The following VWDE variants were observed in gnomAD, a reference collection of about 807,000 sequenced individuals.
The protein encoded by VWDE is von Willebrand factor D and EGF domain-containing protein.
Under a neutral mutation model 178.4 loss-of-function variants are expected in VWDE, and 207 were observed. The ratio of observed to expected loss-of-function variants is 1.16; its 90% CI spans 1.04 to 1.30. VWDE has a LOEUF of 1.30. Among genes scored for constraint, VWDE ranks in the 50% most tolerant of loss-of-function variants. The probability of loss-of-function intolerance (pLI) is 0.00; values close to 1 mark genes in which losing one functional copy is unlikely to be tolerated. For synonymous variants in VWDE, 738 were observed against 651.4 expected (o/e 1.13, Z -2.02); for missense variants, 2,287 against 1,901.3 (o/e 1.20, Z -3.77).
Position 12,370,141 on chromosome 7 carries a change from G to A in VWDE, c.2165C>T (p.Ser722Leu). The change falls in exon 12 of 29, where the codon TCA becomes TTA. Residue 722 changes from serine to leucine, a missense_variant. By Grantham distance (145) the Ser-to-Leu change is moderately radical. Coordinates refer to ENST00000275358, the MANE Select transcript of VWDE (RefSeq NM_001135924.3). ...QKHPGNEKED[S>L]LQYLANKKYT... ...TTTCTTATTGGCCAAATATTGTAGT[G>A]AATCTTCTTTCTCATTTCCAGGATG... 6.4e-7 allele frequency: 1 copy of A among 1,551,452 alleles called. No homozygotes were observed. Among genetic ancestry groups the A allele is most frequent in the South Asian group, 1.2e-5 (1 of 84,052 alleles).
intron 19 of VWDE, among the ~76,000 whole-genome samples, chr7:12,347,096 T>C (rs527698907): frequency 6.6e-6 from 1 of 152,206 alleles, no homozygotes; most frequent in Admixed American, 6.5e-5. Context: ...CACAGTTGTG[T>C]CAAAAAATAC....
At chr7:12,393,124 A>T (rs1031567673) in intron 2 of VWDE, among the ~76,000 whole-genome samples, 2 of 152,194 alleles carry the variant, frequency 1.3e-5, no homozygotes, top group Non-Finnish European at 2.9e-5. Context: ...GTTTTACTCC[A>T]TCAGTTAAGA....
At chr7:12,372,183 T>C (rs1486837989) in intron 10 of VWDE, among the ~76,000 whole-genome samples, 1 of 151,990 alleles carries the variant, frequency 6.6e-6, no homozygotes, top group Non-Finnish European at 1.5e-5. Flanking sequence ...GGTTTTTTTA[T>C]ATTATTTGCT....
At chr7:12,367,137 A>C (rs965995575) in intron 13 of VWDE, among the ~76,000 whole-genome samples, 1 of 152,054 alleles carries the variant, frequency 6.6e-6, no homozygotes, top group African/African-American at 2.4e-5. Context: ...TATAAGTGAA[A>C]ACAGTGAGCC....
Position 12,370,298 on chromosome 7 carries a change from C to T in VWDE, c.2008G>A (p.Glu670Lys), listed in dbSNP as rs143911862. 2.9e-3 allele frequency: 4,511 copies of T among 1,550,978 alleles called. 29 individuals carry two copies. Among genetic ancestry groups the T allele is most frequent in the Middle Eastern group, 0.011 (68 of 5,990 alleles). Reference sequence around the variant, plus strand: ...ACAAGAGTGTCTGAATTAATATATTCGGAGGTGACATCTAGTTCTGGTATC... The same window carrying T: ...ACAAGAGTGTCTGAATTAATATATTTGGAGGTGACATCTAGTTCTGGTATC... ...SLIPELDVTS[E>K]YINSDTLVRE... The change falls in exon 12 of 29, where the codon GAA becomes AAA. Residue 670 changes from glutamate to lysine, a missense_variant. Physicochemically the swap from Glu to Lys is moderately conservative, Grantham distance 56. Transcript: ENST00000275358.
At position 12,403,687 on chromosome 7, in the gene VWDE, G is replaced by T; in HGVS notation, c.30C>A (p.Ile10=). 1 of 1,548,614 alleles carries T rather than the reference G, an allele frequency of 6.5e-7. No homozygotes were observed. Among genetic ancestry groups the T allele is most frequent in the Non-Finnish European group, 8.7e-7 (1 of 1,146,502 alleles). MPGGACVLV[I]ALMFLAWGEA... ...CCCCCCAGGCCAGGAACATCAGCGC[G>T]ATCACCAGCACGCAGGCTCCGCCAG... is the stretch of plus-strand genomic sequence containing the variant. Residue 10 remains isoleucine (I), a synonymous_variant, in exon 1 of 29, where the codon ATC becomes ATA. Coordinates refer to ENST00000275358, the MANE Select transcript of VWDE (RefSeq NM_001135924.3).
At chr7:12,390,711 G>T (rs374855343) in intron 2 of VWDE, among the ~76,000 whole-genome samples, 1 of 151,696 alleles carries the variant, frequency 6.6e-6, no homozygotes, top group Non-Finnish European at 1.5e-5. Flanking sequence ...TGTACAAATA[G>T]GTAATTCACA....
intron 16 of VWDE, 53 bp from the exon 17 acceptor site, chr7:12,357,568 T>G (rs1415359821): frequency 6.5e-7 from 1 of 1,532,996 alleles, no homozygotes. Context: ...AGGAATGAAG[T>G]GTACTTCTGA....
chr7:12,393,576 C>T lies in VWDE; in HGVS notation c.243+18G>A, dbSNP rs1244951016. 1 of 1,525,308 alleles carries T rather than the reference C, an allele frequency of 6.6e-7. No individual in the cohort carries two copies. The highest frequency in any genetic ancestry group is 8.8e-7 in the Non-Finnish European group (1 of 1,133,602). The allele number at this position is 1,525,308 out of a possible 1,614,324, so 94.5% of individuals were successfully genotyped here. A position where few individuals can be genotyped will look rare whatever the true frequency, so the allele number is the denominator to read the frequency against. On this transcript the variant is annotated intron_variant, in intron 2 of 28. Transcript: ENST00000275358. ...CACATAAGGAAAATAACATGCAGTA[C>T]TTAGGGAGTTGACATACCTCAACAC...
chr7:12,341,430 G>A (rs1289404397), intron 23 of VWDE, among the ~76,000 whole-genome samples: 5 of 152,096 alleles, frequency 3.3e-5, no homozygotes, highest in African/African-American at 1.2e-4. Flanking sequence ...TCAGGAGTTT[G>A]AGACCAGTCT....
chr7:12,348,224 T>C (rs1199063740), intron 19 of VWDE, among the ~76,000 whole-genome samples: 7 of 145,554 alleles, frequency 4.8e-5, no homozygotes, highest in Non-Finnish European at 9.0e-5. Flanking sequence ...AATTGACAAA[T>C]GGGATCTAAT....
In VWDE at chr7:12,336,981, C is replaced by T. The variant is rs1175524824; in HGVS notation, c.4558+7G>A. 5.2e-6 allele frequency: 8 copies of T among 1,547,992 alleles called. No individual in the cohort carries two copies. Among genetic ancestry groups the T allele is most frequent in the South Asian group, 4.8e-5 (4 of 83,492 alleles). ...AAGCTTCAGTGTTTTAAGAGTATTC[C>T]TCTTACGTGTGTTGCATCGTTTCCC... On this transcript the variant is annotated splice_region_variant and intron_variant, in intron 26 of 28. Transcript: ENST00000275358.
In VWDE at chr7:12,379,563, A is replaced by T. The variant is rs892010014; in HGVS notation, c.793T>A (p.Phe265Ile). 6.5e-7 allele frequency: 1 copy of T among 1,532,374 alleles called. No individual in the cohort carries two copies. Among genetic ancestry groups the T allele is most frequent in the South Asian group, 1.2e-5 (1 of 80,326 alleles). 94.9% of individuals were successfully genotyped at this position (1,532,374 alleles called of 1,614,324 possible). A position where few individuals can be genotyped will look rare whatever the true frequency, so the allele number is the denominator to read the frequency against. ...AAGAAAAAGACAGAAGCGCTGCAGA[A>T]TATCTATGGATATAATTAAAAAATA... is the stretch of plus-strand genomic sequence containing the variant. ...GINLRLGDRI[F>I]CSASVFFLEN... Residue 265 changes from phenylalanine to isoleucine, a missense_variant, in exon 6 of 29, where the codon TTC becomes ATC. Coordinates refer to ENST00000275358, the MANE Select transcript of VWDE (RefSeq NM_001135924.3).
intron 19 of VWDE, among the ~76,000 whole-genome samples, chr7:12,348,090 C>G (rs918374715): frequency 6.6e-6 from 1 of 152,090 alleles, no homozygotes; most frequent in African/African-American, 2.4e-5. Context: ...GGATTGAAGA[C>G]TTAAACGTTA....
chr7:12,331,371 T>A (rs555726144), intron 28 of VWDE, among the ~76,000 whole-genome samples, 174 bp from the exon 29 acceptor site: 1 of 152,248 alleles, frequency 6.6e-6, no homozygotes, highest in African/African-American at 2.4e-5. Context: ...AGATCATACT[T>A]AAGGTCCAAG....
At chr7:12,357,092 G>C (rs897260821) in intron 17 of VWDE, among the ~76,000 whole-genome samples, 173 bp downstream of exon 17, 1 of 152,092 alleles carries the variant, frequency 6.6e-6, no homozygotes, top group Non-Finnish European at 1.5e-5. Context: ...CTCTCTCTAA[G>C]GTTTTAAATT....
At position 12,333,488 on chromosome 7, in the gene VWDE, C is replaced by T. The variant is rs1306394238; in HGVS notation, c.4735G>A (p.Val1579Ile). The T allele has an allele frequency of 1.3e-6, 2 of 1,549,036 alleles. No individual in the cohort carries two copies. Among genetic ancestry groups the T allele is most frequent in the Admixed American group, 3.9e-5 (2 of 50,782 alleles). Residue 1579 changes from valine to isoleucine, a missense_variant, in exon 28 of 29, where the codon GTC (valine) becomes ATC (isoleucine). Coordinates refer to ENST00000275358, the MANE Select transcript of VWDE (RefSeq NM_001135924.3). ...ACCTGTATTTTCTTCTCACATTTGACTCCAGAGTATTCAGTGCGGCAGGAA... is the reference window on the plus strand; with the variant it reads ...ACCTGTATTTTCTTCTCACATTTGATTCCAGAGTATTCAGTGCGGCAGGAA... ...VCSCRTEYSGVKCEKKIQIRR... is the reference protein window; with the variant it reads ...VCSCRTEYSGIKCEKKIQIRR...
intron 10 of VWDE, among the ~76,000 whole-genome samples, chr7:12,372,506 C>A (rs1195628143): frequency 6.6e-6 from 1 of 151,818 alleles, no homozygotes; most frequent in Non-Finnish European, 1.5e-5. Context: ...GAAGTATAAT[C>A]TTTAAAAAAA....
chr7:12,336,559 A>G (rs1781044044), intron 26 of VWDE, among the ~76,000 whole-genome samples: 1 of 152,206 alleles, frequency 6.6e-6, no homozygotes, highest in Non-Finnish European at 1.5e-5. Context: ...AACAATTTAT[A>G]GAAAGGAAAA....
Sources: allele counts gnomAD v4.1 joint callset (sites outside exome capture counted in the v4.1 genomes callset), GRCh38; gene constraint gnomAD v4.1.1; transcripts MANE v1.5; gene names NCBI Gene and HGNC (gene_info 2026-07-23, HGNC 2026-07-21).